Variants in PIK3CD observed in about 807,000 individuals in gnomAD.
PIK3CD encodes phosphatidylinositol-4,5-bisphosphate 3-kinase catalytic subunit delta, also known as phosphatidylinositol 4,5-bisphosphate 3-kinase catalytic subunit delta isoform.
A neutral mutation model predicts 122.9 loss-of-function variants in PIK3CD; 20 were observed. The observed-to-expected ratio is 0.16, with a 90% confidence interval of 0.11 to 0.24. The LOEUF (loss-of-function observed/expected upper bound fraction) is 0.24. Ranked by LOEUF, PIK3CD falls within the 10% of genes least tolerant of loss-of-function variation. The pLI is 1.00. For missense variants in PIK3CD, 787 were observed against 1,406.3 expected (o/e 0.56, Z 7.04); for synonymous variants, 596 against 593.4 (o/e 1.00, Z -0.06).
At chr1:9,640,659 C>T in the PIK3CD span, among the ~76,000 whole-genome samples, 2 of 151,906 alleles carry the variant, frequency 1.3e-5, no homozygotes, top group African/African-American at 4.8e-5. Context: ...GGTGTTGTTG[C>T]TTCTAGGTCT....
Position 9,718,721 on chromosome 1 carries a change from G to A in PIK3CD, c.1048G>A (p.Gly350Ser), listed in dbSNP as rs747930872. The A allele has an allele frequency of 1.9e-5, 31 of 1,606,208 alleles. No homozygotes were observed. The highest frequency in any genetic ancestry group is 2.4e-5 in the Non-Finnish European group (28 of 1,179,804). ...GGTGGTGCAGGCCGGGCTTTTCCACGGCAACGAGATGCTGTGCAAGACGGT... is the reference window on the plus strand; with the variant it reads ...GGTGGTGCAGGCCGGGCTTTTCCACAGCAACGAGATGCTGTGCAAGACGGT... ...KLVVQAGLFH[G>S]NEMLCKTVSS... is the part of the protein sequence containing the mutation. Residue 350 changes from glycine (G) to serine (S), a missense_variant, in exon 9 of 24, where the codon GGC becomes AGC. By Grantham distance (56) the Gly-to-Ser change is moderately conservative. Transcript: ENST00000377346. The surrounding 1 kb of genome is among the most constrained non-coding windows in gnomAD (Gnocchi z 7.2).
intron 1 of PIK3CD, chr1:9,654,104 T>C (rs1644764310): frequency 1.7e-6 from 2 of 1,170,650 alleles, no homozygotes; most frequent in South Asian, 2.5e-5. Context: ...AGTTGCCTGC[T>C]CCAGAGACAA....
At chr1:9,634,531 T>C in the PIK3CD span, among the ~76,000 whole-genome samples, 4 of 152,118 alleles carry the variant, frequency 2.6e-5, no homozygotes, top group Non-Finnish European at 2.9e-5. Flanking sequence ...ACTCCTGAGT[T>C]CAAGTGATCT....
chr1:9,711,208 C>G (rs1647040673), intron 3 of PIK3CD, among the ~76,000 whole-genome samples: 1 of 152,152 alleles, frequency 6.6e-6, no homozygotes, highest in South Asian at 2.1e-4. Context: ...GTTCTCGTGC[C>G]TCAGCCTCCT....
chr1:9,717,146 C>T lies in PIK3CD; in HGVS notation c.930+38C>T, dbSNP rs183761732. The T allele has an allele frequency of 4.0e-5, 64 of 1,612,666 alleles. No homozygotes were observed. The African/African-American group carries it at 6.9e-4, about 17-fold the overall frequency. ...CTTCCGCCTCCCCTCTGAGCCACCCCTTCTTTCCACCTGGCGTCCAACTCC... is the reference window on the plus strand; with the variant it reads ...CTTCCGCCTCCCCTCTGAGCCACCCTTTCTTTCCACCTGGCGTCCAACTCC... On this transcript the variant is annotated intron_variant, in intron 7 of 23. Transcript: ENST00000377346. This position sits in a 1 kb window ranked among gnomAD's most constrained non-coding sequence, Gnocchi z 5.4.
chr1:9,679,969 C>T (rs551013082), intron 1 of PIK3CD, among the ~76,000 whole-genome samples: 70 of 152,016 alleles, frequency 4.6e-4, no homozygotes, highest in African/African-American at 1.4e-3. Flanking sequence ...GGATTACAGG[C>T]GCCCACCACC....
intron 2 of PIK3CD, among the ~76,000 whole-genome samples, chr1:9,702,866 G>A (rs1646700340): frequency 6.6e-6 from 1 of 152,154 alleles, no homozygotes; most frequent in Admixed American, 6.6e-5. Context: ...AAATGGAAGT[G>A]CAGCTGCAGT....
At chr1:9,696,725 CAAAAA>C (rs201750410) in intron 2 of PIK3CD, among the ~76,000 whole-genome samples, 1 of 119,338 alleles carries the variant, frequency 8.4e-6, no homozygotes, top group African/African-American at 3.1e-5. Context: ...GACCCTGTCC[CAAAAA>C]AAAAAAAAGA....
the PIK3CD span, among the ~76,000 whole-genome samples, chr1:9,629,096 C>T: frequency 6.6e-6 from 1 of 152,096 alleles, no homozygotes; most frequent in East Asian, 1.9e-4. Flanking sequence ...GTCACCTCTT[C>T]CCCTGGGGGT....
At chr1:9,650,194 C>T (rs4292965), upstream of PIK3CD, among the ~76,000 whole-genome samples, 43,258 of 151,864 alleles carry the variant, frequency 0.28, 7,273 homozygotes, top group East Asian at 0.65. Context: ...GAGCCTGAGG[C>T]GGGTGGATCA....
chr1:9,710,434 A>G lies in PIK3CD; in HGVS notation c.-22A>G. ...TTTCTTCATTTTTAGGACAACTGTCATCTGGGAAGTAACAACGCAGGATGC... is the reference window on the plus strand; with the variant it reads ...TTTCTTCATTTTTAGGACAACTGTCGTCTGGGAAGTAACAACGCAGGATGC... On this transcript the variant is annotated 5_prime_UTR_variant, in exon 3 of 24. Transcript: ENST00000377346. The surrounding 1 kb of genome is among the most constrained non-coding windows in gnomAD (Gnocchi z 4.7). 2 of 1,613,938 alleles carry G rather than the reference A, an allele frequency of 1.2e-6. No homozygotes were observed. Among genetic ancestry groups the G allele is most frequent in the Non-Finnish European group, 1.7e-6 (2 of 1,179,876 alleles).
At chr1:9,644,554 AATAT>A in the PIK3CD span, among the ~76,000 whole-genome samples, 4 of 146,682 alleles carry the variant, frequency 2.7e-5, no homozygotes, top group South Asian at 2.3e-4. Context: ...TAAATAAATA[AATAT>A]GTAACCTTCA....
chr1:9,654,365 C>T (rs1203108549), intron 1 of PIK3CD: 1 of 1,367,582 alleles, frequency 7.3e-7, no homozygotes, highest in East Asian at 4.5e-5. Flanking sequence ...CCATGTTTAG[C>T]AAGTGTTTCC....
At chr1:9,701,116 G>A (rs1041710340) in intron 2 of PIK3CD, among the ~76,000 whole-genome samples, 7 of 151,882 alleles carry the variant, frequency 4.6e-5, no homozygotes, top group African/African-American at 1.7e-4. Flanking sequence ...CTGTCCATCC[G>A]CTCAGCACAA....
At chr1:9,675,614 G>T (rs1645502394) in intron 1 of PIK3CD, among the ~76,000 whole-genome samples, 1 of 152,006 alleles carries the variant, frequency 6.6e-6, no homozygotes, top group Non-Finnish European at 1.5e-5. Context: ...AGATCCCAGG[G>T]AGGAGGACTC....
intron 2 of PIK3CD, chr1:9,691,957 T>G (rs942390743): frequency 5.0e-5 from 8 of 161,248 alleles, no homozygotes; most frequent in Non-Finnish European, 8.0e-5. Flanking sequence ...TGGATTGAAT[T>G]TTTATAATTC....
intron 23 of PIK3CD, among the ~76,000 whole-genome samples, chr1:9,725,675 G>A (rs899318317): frequency 4.6e-5 from 7 of 151,686 alleles, no homozygotes; most frequent in African/African-American, 1.2e-4. Context: ...TCAGGAGTTC[G>A]AGATCAGCCT....
chr1:9,696,978 C>A (rs1357775727), intron 2 of PIK3CD, among the ~76,000 whole-genome samples: 1 of 151,232 alleles, frequency 6.6e-6, no homozygotes, highest in Non-Finnish European at 1.5e-5. Context: ...TGCCTGTAGT[C>A]CCAGTTACTG....
Position 9,715,826 on chromosome 1 carries a change from A to C in PIK3CD, c.371-23A>C. On this transcript the variant is annotated intron_variant, in intron 4 of 23. Transcript: ENST00000377346. This position sits in a 1 kb window ranked among gnomAD's most constrained non-coding sequence, Gnocchi z 4.1. The stretch of plus-strand genomic sequence containing the variant: ...CTGGCCCTGCCTGCCCCACCCGCTG[A>C]CCCAGCCCTCCCCACCCCGCAGGCC... 17 of 1,187,656 alleles carry C rather than the reference A, an allele frequency of 1.4e-5. No homozygotes were observed. Among genetic ancestry groups the C allele is most frequent in the South Asian group, 2.4e-5 (2 of 82,354 alleles). 73.6% of individuals were successfully genotyped at this position (1,187,656 alleles called of 1,614,324 possible).
Sources: allele counts gnomAD v4.1 joint callset (sites outside exome capture counted in the v4.1 genomes callset), GRCh38; gene constraint gnomAD v4.1.1; non-coding constraint Gnocchi (gnomAD v3.1); transcripts MANE v1.5; gene names NCBI Gene and HGNC (gene_info 2026-07-23, HGNC 2026-07-21).